DNAH1: variants seen among roughly 807,000 people sequenced by gnomAD.
DNAH1 encodes dynein axonemal heavy chain 1.
DNAH1 carries 327 observed loss-of-function variants against 484.3 expected under a neutral mutation model. That is an observed-to-expected ratio of 0.68 (90% confidence interval 0.62 to 0.74). The LOEUF is 0.74. Among genes scored for constraint, DNAH1 ranks in the 30% least tolerant of loss-of-function variants. DNAH1 has a pLI of 0.00. For synonymous variants in DNAH1, 2,192 were observed against 2,191.9 expected (o/e 1.00, Z 0.00); for missense variants, 5,052 against 5,546.8 (o/e 0.91, Z 2.83).
At chr3:52,330,367 G>A (rs1331483648) in intron 6 of DNAH1, among the ~76,000 whole-genome samples, 1 of 152,180 alleles carries the variant, frequency 6.6e-6, no homozygotes, top group Admixed American at 6.5e-5. Flanking sequence ...ACAGAATGGG[G>A]TAACAAGTCA....
At chr3:52,351,936 C>T in intron 16 of DNAH1, 26 bp from the exon 17 acceptor site, 5 of 1,591,966 alleles carry the variant, frequency 3.1e-6, no homozygotes, top group Non-Finnish European at 1.7e-6. Flanking sequence ...GATATTTCTC[C>T]CAATCCCCAC....
At chr3:52,351,329 C>G (rs1050666173) in intron 16 of DNAH1, among the ~76,000 whole-genome samples, 2 of 152,206 alleles carry the variant, frequency 1.3e-5, no homozygotes, top group African/African-American at 2.4e-5. Context: ...CTTTTCCTGC[C>G]AAGCCTTACT....
rs1437236888 is a variant in DNAH1, at chr3:52,344,628, G to A, written c.1425G>A (p.Glu475=). The change falls in exon 9 of 78, where the codon GAG becomes GAA. Residue 475 remains glutamate (E), a synonymous_variant. Coordinates refer to ENST00000420323, the MANE Select transcript of DNAH1 (RefSeq NM_015512.5). ...FSYVTLPKKE[E]EQVPERGLVS... ...ACGTCACCCTCCCCAAGAAGGAGGA[G>A]GAGCAGGTGCCTGAGCGAGGTGAGG... 3 of 1,613,560 alleles carry A rather than the reference G, an allele frequency of 1.9e-6. No individual in the cohort carries two copies. The African/African-American group carries it at 4.0e-5, about 22-fold the overall frequency.
Position 52,350,537 on chromosome 3 carries a change from C to T in DNAH1, c.2676C>T (p.Tyr892=). Residue 892 remains tyrosine (Y), a synonymous_variant, in exon 16 of 78, where the codon TAC becomes TAT. Transcript: ENST00000420323. The stretch of plus-strand genomic sequence containing the variant: ...GGATTGTGAAGGTCATGGATGACTA[C>T]CAGGTCATGGATGAATTCCTCTACA... ...EERIVKVMDD[Y]QVMDEFLYNL... 6.2e-7 allele frequency: 1 copy of T among 1,613,942 alleles called. No individual in the cohort carries two copies. The highest frequency in any genetic ancestry group is 1.1e-5 in the South Asian group (1 of 91,058).
In DNAH1 at chr3:52,331,124, G is replaced by A. The variant is rs376671317; in HGVS notation, c.872-24G>A. The A allele has an allele frequency of 2.5e-5, 39 of 1,568,156 alleles. No individual in the cohort carries two copies. In the Admixed American group the frequency reaches 3.2e-4, roughly 13 times the overall value. On this transcript the variant is annotated intron_variant, in intron 6 of 77. Coordinates refer to ENST00000420323, the MANE Select transcript of DNAH1 (RefSeq NM_015512.5). ...CCTGCCCCCATGGCGGGGGGCACTG[G>A]TGGAGTTTCTCCTCCTGTTTCAGAG...
chr3:52,311,477 G>A (rs968899436), upstream of DNAH1, among the ~76,000 whole-genome samples: 5 of 152,086 alleles, frequency 3.3e-5, no homozygotes, highest in Non-Finnish European at 7.4e-5. Context: ...TTTACTCTGG[G>A]GCCAGCAGAC....
Position 52,396,918 on chromosome 3 carries a change from T to C in DNAH1, c.11661T>C (p.Asp3887=), listed in dbSNP as rs1578208089. ...GEINYGGRVT[D]DWDRRCIMNI... is the part of the protein sequence containing the mutation. Reference sequence around the variant, plus strand: ...TCAATTACGGGGGCCGTGTCACTGATGACTGGGACCGGCGCTGCATCATGA... The same window carrying C: ...TCAATTACGGGGGCCGTGTCACTGACGACTGGGACCGGCGCTGCATCATGA... Residue 3887 remains aspartate, a synonymous_variant, in exon 73 of 78, where the codon GAT becomes GAC. Coordinates refer to ENST00000420323, the MANE Select transcript of DNAH1 (RefSeq NM_015512.5). 1 of 1,613,278 alleles carries C rather than the reference T, an allele frequency of 6.2e-7. No individual in the cohort carries two copies. The highest frequency in any genetic ancestry group is 1.1e-5 in the South Asian group (1 of 91,074).
At chr3:52,356,871 GA>G (rs1161141302) in intron 22 of DNAH1, 93 bp downstream of exon 22, 17 of 1,435,872 alleles carry the variant, frequency 1.2e-5, no homozygotes, top group Non-Finnish European at 1.9e-6. Context: ...TCCCTACACA[GA>G]AAAGGCTGGT....
At position 52,396,940 on chromosome 3, in the gene DNAH1, A is replaced by G. The variant is rs376301831; in HGVS notation, c.11683A>G (p.Met3895Val). ...TGATGACTGGGACCGGCGCTGCATC[A>G]TGAACATCTTGGAGGACTTCTACAA... is the stretch of plus-strand genomic sequence containing the variant. ...VTDDWDRRCI[M>V]NILEDFYNPD... is the part of the protein sequence containing the mutation. Residue 3895 changes from methionine (M) to valine (V), a missense_variant, in exon 73 of 78, where the codon ATG becomes GTG. By Grantham distance (21) the Met-to-Val change is conservative. Coordinates refer to ENST00000420323, the MANE Select transcript of DNAH1 (RefSeq NM_015512.5). The G allele has an allele frequency of 2.6e-4, 417 of 1,613,300 alleles. 3 individuals carry two copies. Among genetic ancestry groups the G allele is most frequent in the Non-Finnish European group, 2.8e-4 (334 of 1,179,838 alleles).
chr3:52,391,840 G>A (rs139306022), intron 63 of DNAH1, among the ~76,000 whole-genome samples: 293 of 152,200 alleles, frequency 1.9e-3, no homozygotes, highest in African/African-American at 6.7e-3. Flanking sequence ...CCTGGTCAGG[G>A]TCCCCAGCCT....
In DNAH1 at chr3:52,366,764, C is replaced by A; in HGVS notation, c.5642C>A (p.Ser1881Ter). 8.7e-6 allele frequency: 14 copies of A among 1,613,630 alleles called. No individual in the cohort carries two copies. The highest frequency in any genetic ancestry group is 1.2e-5 in the Non-Finnish European group (14 of 1,179,666). The stretch of plus-strand genomic sequence containing the variant: ...AGAGTCCTGGCAGCTGCCATGACGT[C>A]ACTGAAAGGGCAGCCATCCATCAGT... ...CYRVLAAAMT[S>*]LKGQPSISGG... is the part of the protein sequence containing the mutation. Residue 1881 changes from serine to a stop codon, truncating the protein, a stop_gained, in exon 36 of 78, where the codon TCA becomes TAA. Transcript: ENST00000420323. LOFTEE classifies it high-confidence loss of function.
rs1358009023 is a variant in DNAH1, at chr3:52,368,479, T to C, written c.5766-262T>C. ...AGCTGCACTTCCTCCATCTCTGCTA[T>C]TGCCTCCTCCCCTGCTCCCTTTTTC... On this transcript the variant is annotated intron_variant, in intron 36 of 77. Coordinates refer to ENST00000420323, the MANE Select transcript of DNAH1 (RefSeq NM_015512.5). This position sits in a 1 kb window ranked among gnomAD's most constrained non-coding sequence, Gnocchi z 4.4. Among the ~76,000 whole-genome samples the C allele has an allele frequency of 6.6e-6, 1 of 152,164 alleles. No individual in the cohort carries two copies. Among genetic ancestry groups the C allele is most frequent in the East Asian group, 1.9e-4 (1 of 5,198 alleles).
intron 8 of DNAH1, among the ~76,000 whole-genome samples, chr3:52,336,386 A>G (rs1319354699): frequency 6.6e-6 from 1 of 152,056 alleles, no homozygotes; most frequent in Non-Finnish European, 1.5e-5. Flanking sequence ...CCCCATCTCT[A>G]CCAAAGAACA....
Position 52,386,285 on chromosome 3 carries a change from G to C in DNAH1, c.8751G>C (p.Leu2917Phe). Reference sequence around the variant, plus strand: ...CCCAGAAGGACCTGGACGAGGCGTTGCCAGCCCTGGATGCGGCTCTGGCCA... The same window carrying C: ...CCCAGAAGGACCTGGACGAGGCGTTCCCAGCCCTGGATGCGGCTCTGGCCA... Reference protein sequence around the residue: ...DDAQKDLDEALPALDAALASL... With the variant: ...DDAQKDLDEAFPALDAALASL... Residue 2917 changes from leucine to phenylalanine, a missense_variant, in exon 55 of 78, where the codon TTG (leucine) becomes TTC (phenylalanine). By Grantham distance (22) the Leu-to-Phe change is conservative. Around this residue, in one of 4 missense-constraint regions of DNAH1, gnomAD observed 2,929 missense variants for 3,409.4 expected, o/e 0.86. Coordinates refer to ENST00000420323, the MANE Select transcript of DNAH1 (RefSeq NM_015512.5). The C allele has an allele frequency of 1.2e-6, 2 of 1,607,760 alleles. No individual in the cohort carries two copies. Among genetic ancestry groups the C allele is most frequent in the Non-Finnish European group, 1.7e-6 (2 of 1,177,160 alleles).
In DNAH1 at chr3:52,389,502, G is replaced by T; in HGVS notation, c.9537G>T (p.Gln3179His). The change falls in exon 60 of 78, where the codon CAG becomes CAT. Residue 3179 changes from glutamine (Q) to histidine (H), a missense_variant. Transcript: ENST00000420323. ...TGCTCTACGACAGCTGGGTCAAGCA[G>T]CTCAGGAGCCACAATGTCCCACACA... ...RTVLYDSWVK[Q>H]LRSHNVPHTS... 1 of 1,603,092 alleles carries T rather than the reference G, an allele frequency of 6.2e-7. No individual in the cohort carries two copies. The highest frequency in any genetic ancestry group is 1.7e-5 in the Admixed American group (1 of 58,532).
chr3:52,324,313 G>A (rs1192954370), intron 3 of DNAH1, among the ~76,000 whole-genome samples: 1 of 152,206 alleles, frequency 6.6e-6, no homozygotes, highest in Non-Finnish European at 1.5e-5. Flanking sequence ...AAGGAGGAAA[G>A]GGGGACTCTC....
Position 52,353,729 on chromosome 3 carries a change from A to T in DNAH1, c.3480+96A>T. 1 of 1,510,854 alleles carries T rather than the reference A, an allele frequency of 6.6e-7. No individual in the cohort carries two copies. Among genetic ancestry groups the T allele is most frequent in the Non-Finnish European group, 8.9e-7 (1 of 1,124,068 alleles). The allele number at this position is 1,510,854 out of a possible 1,614,324, so 93.6% of individuals were successfully genotyped here. On this transcript the variant is annotated intron_variant, in intron 20 of 77. Transcript: ENST00000420323. This position sits in a 1 kb window ranked among gnomAD's most constrained non-coding sequence, Gnocchi z 5.0. ...AACCACAGCCACTTGGGAGGATGACAGTAATAAGCCCCATCCCTGGGGTCA... is the reference window on the plus strand; with the variant it reads ...AACCACAGCCACTTGGGAGGATGACTGTAATAAGCCCCATCCCTGGGGTCA...
chr3:52,380,522 A>C (rs892873004), intron 48 of DNAH1, among the ~76,000 whole-genome samples: 7 of 152,150 alleles, frequency 4.6e-5, no homozygotes, highest in African/African-American at 1.7e-4. Context: ...GTTTCTCTCC[A>C]CACGCATCCT....
At chr3:52,349,486 C>T in intron 14 of DNAH1, 66 bp downstream of exon 14, 2 of 1,453,294 alleles carry the variant, frequency 1.4e-6, no homozygotes, top group South Asian at 1.2e-5. Context: ...CACACGGACC[C>T]TCACATACAT....
Sources: gnomAD v4.1 joint callset for allele counts (sites outside exome capture counted in the v4.1 genomes callset) on GRCh38, gnomAD v4.1.1 for gene constraint, gnomAD v4.1.1 regional missense constraint, Gnocchi (gnomAD v3.1) non-coding constraint, MANE v1.5 for transcripts, NCBI Gene and HGNC (gene_info 2026-07-23, HGNC 2026-07-21) for gene names.